GRIP1: variants seen among roughly 807,000 people sequenced by gnomAD.
The protein encoded by GRIP1 is glutamate receptor interacting protein 1.
GRIP1 carries 45 observed loss-of-function variants against 129.9 expected under a neutral mutation model. The ratio of observed to expected loss-of-function variants is 0.35; its 90% confidence interval spans 0.27 to 0.44. The LOEUF is 0.44. GRIP1 is among the 20% of genes least tolerant of loss of function. The probability of loss-of-function intolerance (pLI) is 1.00; values close to 1 mark genes in which losing one functional copy is unlikely to be tolerated. For missense variants in GRIP1, 1,196 were observed against 1,396.8 expected, an observed-to-expected ratio of 0.86 and a Z score of 2.29; for synonymous variants, 530 against 520.8, an observed-to-expected ratio of 1.02 and a Z score of -0.24.
intron 1 of GRIP1, among the ~76,000 whole-genome samples, chr12:66,811,130 C>T (rs1167982924): frequency 1.3e-5 from 2 of 152,178 alleles, no homozygotes; most frequent in East Asian, 3.8e-4. Context: ...TCTGAGACTG[C>T]AAATATATTA....
chr12:66,556,320 T>C (rs1006185285), intron 2 of GRIP1, among the ~76,000 whole-genome samples: 1 of 152,140 alleles, frequency 6.6e-6, no homozygotes, highest in Non-Finnish European at 1.5e-5. Context: ...TCGAATAGTA[T>C]ATCTGGCAAA....
chr12:66,712,449 T>C (rs1215060402), intron 1 of GRIP1, among the ~76,000 whole-genome samples: 1 of 152,004 alleles, frequency 6.6e-6, no homozygotes, highest in East Asian at 1.9e-4. Context: ...CTGAAATATC[T>C]TTCAATTTTG....
intron 1 of GRIP1, among the ~76,000 whole-genome samples, chr12:66,754,536 T>C (rs1427398627): frequency 6.6e-6 from 1 of 152,174 alleles, no homozygotes; most frequent in African/African-American, 2.4e-5. Context: ...CTGCAGCTTC[T>C]ATGAGCCATT....
At chr12:66,546,219 G>A (rs116841679) in intron 2 of GRIP1, among the ~76,000 whole-genome samples, 1,828 of 152,296 alleles carry the variant, frequency 0.012, 42 homozygotes, top group East Asian at 0.1. Flanking sequence ...GCCAGGTGCA[G>A]TGGCTCATGC....
chr12:66,679,055 A>C lies in GRIP1; in HGVS notation c.-151T>G, dbSNP rs943698993. On this transcript the variant is annotated 5_prime_UTR_variant, in exon 1 of 25. Coordinates refer to ENST00000359742, the MANE Select transcript of GRIP1 (RefSeq NM_001366722.1). ...AAGCTTAATTCCTCTTGGCTGATGC[A>C]GAGGTCCGCTACATGTCATCTGGCA... is the stretch of plus-strand genomic sequence containing the variant. 3 of 1,533,742 alleles carry C rather than the reference A, an allele frequency of 2.0e-6. No individual in the cohort carries two copies. In the African/African-American group the frequency reaches 4.1e-5, roughly 21 times the overall value.
At chr12:67,068,993 C>T in intron 1 of GRIP1, 4 of 845,430 alleles carry the variant, frequency 4.7e-6, no homozygotes, top group Non-Finnish European at 5.7e-6. Flanking sequence ...AGGGAGGCAC[C>T]GGGCGGCCCC....
intron 1 of GRIP1, among the ~76,000 whole-genome samples, chr12:66,845,555 A>G (rs893239328): frequency 6.6e-6 from 1 of 152,160 alleles, no homozygotes; most frequent in Non-Finnish European, 1.5e-5. Context: ...AATCATTTTA[A>G]AGTTCTGTCT....
At chr12:66,978,748 C>G (rs937271896) in intron 1 of GRIP1, among the ~76,000 whole-genome samples, 1 of 152,104 alleles carries the variant, frequency 6.6e-6, no homozygotes, top group Non-Finnish European at 1.5e-5. Flanking sequence ...AACAAACAAA[C>G]AAAAAACTAT....
intron 1 of GRIP1, among the ~76,000 whole-genome samples, chr12:66,881,450 T>C (rs2040477106): frequency 6.6e-6 from 1 of 152,224 alleles, no homozygotes; most frequent in Non-Finnish European, 1.5e-5. Flanking sequence ...ATTATGACTT[T>C]TATAACTTAA....
At chr12:66,610,223 C>T (rs2064732555) in intron 1 of GRIP1, among the ~76,000 whole-genome samples, 1 of 152,042 alleles carries the variant, frequency 6.6e-6, no homozygotes, top group Non-Finnish European at 1.5e-5. Context: ...TATATACACA[C>T]ACGCATATAT....
At chr12:66,481,636 G>C (rs991021562) in intron 7 of GRIP1, among the ~76,000 whole-genome samples, 3 of 152,160 alleles carry the variant, frequency 2.0e-5, no homozygotes, top group African/African-American at 7.2e-5. Context: ...CTACTATAGA[G>C]ACATATGTAC....
Position 66,363,195 on chromosome 12 carries a change from G to C in GRIP1, c.3012+8499C>G, listed in dbSNP as rs1156885888. On this transcript the variant is annotated intron_variant, in intron 23 of 24. Transcript: ENST00000359742. ...CACATATATGTATATATGTGTGTGT[G>C]TGTCCATATATATATATATATATAT... Among the ~76,000 whole-genome samples, 15 of 37,626 alleles carry C rather than the reference G, an allele frequency of 4.0e-4. 1 individual carries two copies. The highest frequency in any genetic ancestry group is 8.2e-4 in the African/African-American group (10 of 12,202). The allele number at this position is 37,626 out of a possible 152,430, so 24.7% of individuals were successfully genotyped here.
intron 16 of GRIP1, among the ~76,000 whole-genome samples, chr12:66,398,211 C>T (rs2056865407): frequency 6.7e-6 from 1 of 149,828 alleles, no homozygotes; most frequent in South Asian, 2.1e-4. Context: ...CATATAATTT[C>T]TTCTCTTTCC....
At chr12:66,936,903 G>A (rs543546533) in intron 1 of GRIP1, among the ~76,000 whole-genome samples, 12 of 152,300 alleles carry the variant, frequency 7.9e-5, no homozygotes, top group African/African-American at 1.7e-4. Flanking sequence ...AGAGCTTGAC[G>A]TTGGGAAAGC....
At chr12:66,664,687 T>C (rs2065796981) in intron 1 of GRIP1, among the ~76,000 whole-genome samples, 1 of 152,200 alleles carries the variant, frequency 6.6e-6, no homozygotes, top group African/African-American at 2.4e-5. Flanking sequence ...CCTTAATAAT[T>C]GTGGTGAAGA....
intron 1 of GRIP1, among the ~76,000 whole-genome samples, chr12:66,977,868 A>G (rs971246706): frequency 2.3e-5 from 3 of 130,506 alleles, no homozygotes; most frequent in Non-Finnish European, 3.1e-5. Flanking sequence ...TTTGGAGTAC[A>G]GTGGCACAAT....
At chr12:66,415,867 G>A (rs545518522) in intron 15 of GRIP1, among the ~76,000 whole-genome samples, 21 of 152,208 alleles carry the variant, frequency 1.4e-4, no homozygotes, top group African/African-American at 4.8e-4. Flanking sequence ...GGAGCTGAAC[G>A]ATGAGGACAC....
At chr12:66,732,377 C>A (rs923587215) in intron 1 of GRIP1, among the ~76,000 whole-genome samples, 5 of 152,162 alleles carry the variant, frequency 3.3e-5, no homozygotes, top group East Asian at 3.9e-4. Context: ...CATAGTGAGA[C>A]CCTGTTTCTA....
chr12:66,412,101 C>A (rs1441268396), intron 15 of GRIP1, among the ~76,000 whole-genome samples: 2 of 152,038 alleles, frequency 1.3e-5, no homozygotes, highest in Admixed American at 1.3e-4. Flanking sequence ...GCAAGACAGG[C>A]CAACATTCAA....
Sources: allele counts gnomAD v4.1 joint callset (sites outside exome capture counted in the v4.1 genomes callset), GRCh38; gene constraint gnomAD v4.1.1; transcripts MANE v1.5; gene names NCBI Gene and HGNC (gene_info 2026-07-23, HGNC 2026-07-21).